ATAT1: variants seen among roughly 807,000 people sequenced by gnomAD.
ATAT1 encodes the protein alpha tubulin acetyltransferase 1, also known as alpha-tubulin N-acetyltransferase 1.
In ATAT1, 42 loss-of-function variants were observed where a neutral mutation model predicts 57.2. The ratio of observed to expected loss-of-function variants is 0.73; its 90% CI spans 0.57 to 0.95. The LOEUF is 0.95. ATAT1 is among the 40% of genes least tolerant of loss of function. The probability of loss-of-function intolerance (pLI) is 0.00; values close to 1 mark genes in which losing one functional copy is unlikely to be tolerated. For synonymous variants in ATAT1, 168 were observed against 187.1 expected (o/e 0.90, Z 0.83); for missense variants, 454 against 523.7 (o/e 0.87, Z 1.30).
chr6:30,632,338 G>T (rs370325818), intron 6 of ATAT1, among the ~76,000 whole-genome samples: 9 of 151,684 alleles, frequency 5.9e-5, no homozygotes, highest in East Asian at 2.0e-4. Context: ...ATTTTGGGAG[G>T]CCCAGGCAGG....
chr6:30,627,285 A>C, intron 1 of ATAT1, 175 bp from the exon 2 acceptor site: 1 of 1,613,778 alleles, frequency 6.2e-7, no homozygotes, highest in Non-Finnish European at 8.5e-7. Context: ...GTGTGACAGA[A>C]GTTTGGGTTT....
At chr6:30,632,268 TAAAAAAAAAAAA>T (rs3058942) in intron 6 of ATAT1, among the ~76,000 whole-genome samples, 2 of 117,888 alleles carry the variant, frequency 1.7e-5, no homozygotes, top group African/African-American at 6.5e-5. Flanking sequence ...GACTCCTTCT[TAAAAAAAAAAAA>T]AAAAAAAAAT....
chr6:30,646,366 A>T, intron 12 of ATAT1, 103 bp from the exon 13 acceptor site: 3 of 1,449,322 alleles, frequency 2.1e-6, no homozygotes, highest in Non-Finnish European at 2.7e-6. Context: ...CATACCCATC[A>T]TGTGTCCTAC....
At position 30,646,463 on chromosome 6, in the gene ATAT1, T is replaced by TA. The variant is rs1338716532; in HGVS notation, c.1056-5dup. 3.8e-6 allele frequency: 6 copies of TA among 1,568,176 alleles called. No individual in the cohort carries two copies. Among genetic ancestry groups the TA allele is most frequent in the Non-Finnish European group, 5.2e-6 (6 of 1,155,024 alleles). On this transcript the variant is annotated splice_polypyrimidine_tract_variant and splice_region_variant and intron_variant, in intron 12 of 12. Transcript: ENST00000330083. ...ATAACCCACTCTCCATCTCCCCACC[T>TA]ACCAGGTCTGCCAGTGAGGAGCAGG...
In ATAT1 at chr6:30,645,946, G is replaced by A. The variant is rs773967682; in HGVS notation, c.984G>A (p.Gly328=). ...AAAGCTGCTGCTACAGCCGCCATGG[G>A]GGGGTGAATTCCTCATCCCCCAATA... The change falls in exon 11 of 13, where the codon GGG becomes GGA. Residue 328 remains glycine, a synonymous_variant. Transcript: ENST00000330083. 1 of 1,538,808 alleles carries A rather than the reference G, an allele frequency of 6.5e-7. No homozygotes were observed. The highest frequency in any genetic ancestry group is 8.8e-7 in the Non-Finnish European group (1 of 1,141,696).
chr6:30,644,034 C>CT, intron 10 of ATAT1: 1 of 992,726 alleles, frequency 1.0e-6, no homozygotes, highest in Non-Finnish European at 1.2e-6. Context: ...CACACTTGCC[C>CT]TTTGAGCCTG....
intron 6 of ATAT1, among the ~76,000 whole-genome samples, chr6:30,629,265 A>G (rs1762338485): frequency 7.0e-6 from 1 of 143,416 alleles, no homozygotes; most frequent in African/African-American, 2.6e-5. Flanking sequence ...TTTTTGTGAG[A>G]TGTAGCCTTG....
Position 30,642,833 on chromosome 6 carries a change from G to GGGGGGGCGGCCCCC in ATAT1, c.754_755insGGGGGGCGGCCCCC (p.Ala252GlyfsTer72). On this transcript the variant is annotated frameshift_variant, in exon 10 of 13. Coordinates refer to ENST00000330083, the MANE Select transcript of ATAT1 (RefSeq NM_001031722.4). LOFTEE classifies it high-confidence loss of function. Reference sequence around the variant, plus strand: ...GGCCCCTCGCCGCGCCACACCTCCAGCCCACCCACCCCCCCGCTCCAGCAG... The same window carrying GGGGGGGCGGCCCCC: ...GGCCCCTCGCCGCGCCACACCTCCAGGGGGGGCGGCCCCCCCCACCCACCCCCCCGCTCCAGCAG... The GGGGGGGCGGCCCCC allele has an allele frequency of 6.5e-7, 1 of 1,537,878 alleles. No homozygotes were observed. The highest frequency in any genetic ancestry group is 8.7e-7 in the Non-Finnish European group (1 of 1,145,784).
intron 10 of ATAT1, 43 bp downstream of exon 10, chr6:30,643,054 G>A: frequency 6.4e-7 from 1 of 1,554,618 alleles, no homozygotes; most frequent in Non-Finnish European, 8.7e-7. Context: ...AGCTATAAAA[G>A]AGGATGTTAG....
intron 6 of ATAT1, among the ~76,000 whole-genome samples, chr6:30,640,099 C>T (rs1765085826): frequency 6.6e-6 from 1 of 151,514 alleles, no homozygotes; most frequent in South Asian, 2.1e-4. Context: ...GATGGCACCA[C>T]TGCACTCCAG....
intron 6 of ATAT1, among the ~76,000 whole-genome samples, chr6:30,638,602 C>G (rs1354748518): frequency 6.7e-6 from 1 of 149,210 alleles, no homozygotes; most frequent in Non-Finnish European, 1.5e-5. Flanking sequence ...GAGACGGAGT[C>G]TCTCTCTGTC....
chr6:30,642,992 G>A lies in ATAT1; in HGVS notation c.913G>A (p.Ala305Thr). 1.2e-6 allele frequency: 2 copies of A among 1,613,486 alleles called. No individual in the cohort carries two copies. Among genetic ancestry groups the A allele is most frequent in the Non-Finnish European group, 1.7e-6 (2 of 1,179,760 alleles). Residue 305 changes from alanine to threonine, a missense_variant, in exon 10 of 13, where the codon GCT (alanine) becomes ACT (threonine). Ala to Thr is a moderately conservative substitution (Grantham distance 58). Around this residue, in one of 3 missense-constraint regions of ATAT1, gnomAD observed 216 missense variants for 222.2 expected, o/e 0.97. Transcript: ENST00000330083. Reference sequence around the variant, plus strand: ...GGCTGCTGACCCTGGGGGCAGCCCAGCTCAACGTCGTCGCACCAGGTAATA... The same window carrying A: ...GGCTGCTGACCCTGGGGGCAGCCCAACTCAACGTCGTCGCACCAGGTAATA...
chr6:30,642,637 C>T lies in ATAT1; in HGVS notation c.689-131C>T, dbSNP rs558861359. 4.8e-4 allele frequency: 333 copies of T among 690,306 alleles called. 2 individuals carry two copies. The highest frequency in any genetic ancestry group is 7.1e-4 in the African/African-American group (39 of 54,884). 42.8% of individuals were successfully genotyped at this position (690,306 alleles called of 1,614,324 possible). A position where few individuals can be genotyped will look rare whatever the true frequency, so the allele number is the denominator to read the frequency against. On this transcript the variant is annotated intron_variant, in intron 9 of 12. Transcript: ENST00000330083. ...CAGCTTGGGTGACAGAGTGAGACTC[C>T]GTCTCAAAAAAGAAAAAAAAAAAAA... is the stretch of plus-strand genomic sequence containing the variant.
In ATAT1 at chr6:30,643,015, A is replaced by G; in HGVS notation, c.932+4A>G. On this transcript the variant is annotated splice_donor_region_variant and intron_variant, in intron 10 of 12. Coordinates refer to ENST00000330083, the MANE Select transcript of ATAT1 (RefSeq NM_001031722.4). Reference sequence around the variant, plus strand: ...CAGCTCAACGTCGTCGCACCAGGTAATAGGAGTTGAAGGGCTAAGGAGCCT... The same window carrying G: ...CAGCTCAACGTCGTCGCACCAGGTAGTAGGAGTTGAAGGGCTAAGGAGCCT... The G allele has an allele frequency of 1.2e-6, 2 of 1,608,826 alleles. No individual in the cohort carries two copies. The highest frequency in any genetic ancestry group is 1.7e-6 in the Non-Finnish European group (2 of 1,177,210).
At chr6:30,642,001 C>A in intron 8 of ATAT1, 175 bp from the exon 9 acceptor site, 1 of 1,477,792 alleles carries the variant, frequency 6.8e-7, no homozygotes, top group Non-Finnish European at 9.0e-7. Flanking sequence ...GTTCCACATT[C>A]CCCTCAAATT....
In ATAT1 at chr6:30,633,875, C is replaced by T. The variant is rs144363175; in HGVS notation, c.501+5445C>T. The T allele has an allele frequency of 5.4e-3, 913 of 168,920 alleles. 11 individuals are homozygous for T. The highest frequency in any genetic ancestry group is 0.049 in the South Asian group (258 of 5,284). The allele number at this position is 168,920 out of a possible 1,614,324, so 10.5% of individuals were successfully genotyped here. ...GGAGATGAAAACGAAGCAGCTGAGG[C>T]GGTATGGACAAATGGGCAGCTGATG... On this transcript the variant is annotated intron_variant, in intron 6 of 12. Coordinates refer to ENST00000330083, the MANE Select transcript of ATAT1 (RefSeq NM_001031722.4).
chr6:30,637,641 C>A (rs1179718991), intron 6 of ATAT1, among the ~76,000 whole-genome samples: 1 of 151,176 alleles, frequency 6.6e-6, no homozygotes, highest in Non-Finnish European at 1.5e-5. Flanking sequence ...CGAGATGACA[C>A]CATTGCACTC....
At chr6:30,637,778 C>T (rs148086603) in intron 6 of ATAT1, among the ~76,000 whole-genome samples, 3,068 of 151,830 alleles carry the variant, frequency 0.02, 92 homozygotes, top group African/African-American at 0.068. Context: ...GAGATCAAGA[C>T]CATCCTGGCC....
At chr6:30,629,557 T>G (rs1762397544) in intron 6 of ATAT1, among the ~76,000 whole-genome samples, 1 of 150,258 alleles carries the variant, frequency 6.7e-6, no homozygotes, top group African/African-American at 2.4e-5. Context: ...TATGCCTAAT[T>G]TTTTTTTGAG....
Sources: allele counts gnomAD v4.1 joint callset (sites outside exome capture counted in the v4.1 genomes callset), GRCh38; gene constraint gnomAD v4.1.1; regional missense constraint gnomAD v4.1.1; transcripts MANE v1.5; gene names NCBI Gene and HGNC (gene_info 2026-07-23, HGNC 2026-07-21).